Variants in KRAS observed in about 807,000 individuals in gnomAD.
KRAS encodes the protein GTPase KRas.
A neutral mutation model predicts 21.0 loss-of-function variants in KRAS; 1 was observed. The ratio of observed to expected loss-of-function variants is 0.05; its 90% CI spans 0.02 to 0.23. KRAS has a LOEUF of 0.23. Ranked by LOEUF, KRAS falls within the 10% of genes least tolerant of loss-of-function variation. The probability of loss-of-function intolerance (pLI) is 1.00; values close to 1 mark genes in which losing one functional copy is unlikely to be tolerated. For missense variants in KRAS, 107 were observed against 221.8 expected (o/e 0.48, Z 3.29); for synonymous variants, 67 against 72.5 (o/e 0.92, Z 0.39).
chr12:25,222,350 C>A (rs1383809946), intron 4 of KRAS, among the ~76,000 whole-genome samples: 1 of 151,906 alleles, frequency 6.6e-6, no homozygotes, highest in African/African-American at 2.4e-5. Context: ...TTAAAGTCTT[C>A]CAGAAGCATG....
chr12:25,248,032 T>C (rs1951707159), intron 1 of KRAS, among the ~76,000 whole-genome samples: 1 of 151,474 alleles, frequency 6.6e-6, no homozygotes, highest in Admixed American at 6.6e-5. Context: ...AATCCTGGAT[T>C]TTTTTTTTCT....
At position 25,208,535 on chromosome 12, in the gene KRAS, C is replaced by T. The variant is rs1951167172; in HGVS notation, c.*1260G>A. Reference sequence around the variant, plus strand: ...AAAAAATTAATGTCTTGGCACACCACCACCCCAAAATCTCAACTTTTGAGT... The same window carrying T: ...AAAAAATTAATGTCTTGGCACACCATCACCCCAAAATCTCAACTTTTGAGT... On this transcript the variant is annotated 3_prime_UTR_variant, in exon 5 of 5. Transcript: ENST00000311936. 4 of 233,246 alleles carry T rather than the reference C, an allele frequency of 1.7e-5. No homozygotes were observed. Among genetic ancestry groups the T allele is most frequent in the Non-Finnish European group, 1.7e-5 (2 of 117,860 alleles). The allele number at this position is 233,246 out of a possible 1,614,324, so 14.4% of individuals were successfully genotyped here.
chr12:25,237,987 T>G lies in KRAS; in HGVS notation c.111+7287A>C, dbSNP rs546902300. On this transcript the variant is annotated intron_variant, in intron 2 of 4. Coordinates refer to ENST00000311936, the MANE Select transcript of KRAS (RefSeq NM_004985.5). ...AATCACAGGGAAGGATAGCTACAAC[T>G]GAAGGCTATGAAGGATTTCTGTTTT... Among the ~76,000 whole-genome samples, 18 of 152,312 alleles carry G rather than the reference T, an allele frequency of 1.2e-4. No homozygotes were observed. The East Asian group carries it at 3.5e-3, about 29-fold the overall frequency.
At chr12:25,235,270 T>C in intron 2 of KRAS, 1 of 519,514 alleles carries the variant, frequency 1.9e-6, no homozygotes, top group African/African-American at 1.9e-5. Flanking sequence ...AATGCTCAAG[T>C]ACTTTACGTT....
intron 1 of KRAS, among the ~76,000 whole-genome samples, chr12:25,250,468 G>A (rs897943153): frequency 4.6e-5 from 7 of 152,102 alleles, no homozygotes; most frequent in African/African-American, 1.2e-4. Context: ...CGGGGAGGAG[G>A]AAGGAAGGGG....
chr12:25,245,250 T>A, intron 2 of KRAS, 24 bp downstream of exon 2: 1 of 1,585,142 alleles, frequency 6.3e-7, no homozygotes, highest in East Asian at 2.3e-5. Context: ...GCACCAGTAA[T>A]ATGCATATTA....
intron 2 of KRAS, among the ~76,000 whole-genome samples, chr12:25,239,355 C>T (rs1000332182): frequency 6.6e-6 from 1 of 152,114 alleles, no homozygotes; most frequent in African/African-American, 2.4e-5. Flanking sequence ...AGCCAGATAG[C>T]TCAGTTTTTT....
chr12:25,246,757 A>C (rs981768204), intron 1 of KRAS, among the ~76,000 whole-genome samples: 2 of 151,752 alleles, frequency 1.3e-5, no homozygotes, highest in Non-Finnish European at 2.9e-5. Context: ...TCTACTAAAA[A>C]TATAAAAAAA....
intron 1 of KRAS, among the ~76,000 whole-genome samples, chr12:25,246,394 C>G (rs1218137952): frequency 6.6e-6 from 1 of 152,084 alleles, no homozygotes; most frequent in African/African-American, 2.4e-5. Flanking sequence ...CCTCTCTCTA[C>G]TAAAAATACA....
In KRAS at chr12:25,209,098, A is replaced by C. The variant is rs768299502; in HGVS notation, c.*697T>G. 1 of 470,902 alleles carries C rather than the reference A, an allele frequency of 2.1e-6. No individual in the cohort carries two copies. The highest frequency in any genetic ancestry group is 3.7e-6 in the Non-Finnish European group (1 of 268,850). The allele number at this position is 470,902 out of a possible 1,614,324, so 29.2% of individuals were successfully genotyped here. On this transcript the variant is annotated 3_prime_UTR_variant, in exon 5 of 5. Coordinates refer to ENST00000311936, the MANE Select transcript of KRAS (RefSeq NM_004985.5). ...GTCTGCCTTAACAGGAAAAGCTATT[A>C]GGAGTCTTTATAGTAATTTATCTAA...
chr12:25,240,141 G>A (rs1017310235), intron 2 of KRAS, among the ~76,000 whole-genome samples: 1 of 152,078 alleles, frequency 6.6e-6, no homozygotes, highest in Non-Finnish European at 1.5e-5. Flanking sequence ...ACAGGCATGA[G>A]CCACCATATC....
intron 2 of KRAS, chr12:25,234,108 A>T (rs1951513269): frequency 5.7e-6 from 1 of 175,576 alleles, no homozygotes; most frequent in Non-Finnish European, 1.2e-5. Context: ...AAATTTTATC[A>T]AGACAATGAA....
intron 4 of KRAS, among the ~76,000 whole-genome samples, chr12:25,223,348 C>CT (rs1951351417): frequency 6.6e-6 from 1 of 152,020 alleles, no homozygotes; most frequent in Non-Finnish European, 1.5e-5. Context: ...ATATTAGAAT[C>CT]ATGTTTTCTC....
At chr12:25,243,734 T>C (rs896384915) in intron 2 of KRAS, among the ~76,000 whole-genome samples, 1 of 152,322 alleles carries the variant, frequency 6.6e-6, no homozygotes. Context: ...AACTTCCTTT[T>C]ACATCTGATT....
chr12:25,220,846 G>A (rs967387621), intron 4 of KRAS, among the ~76,000 whole-genome samples: 4 of 151,852 alleles, frequency 2.6e-5, no homozygotes, highest in South Asian at 2.1e-4. Context: ...CCAACATGGC[G>A]AAACCCTGTC....
intron 4 of KRAS, among the ~76,000 whole-genome samples, chr12:25,223,014 C>T (rs764425659): frequency 7.9e-5 from 12 of 152,172 alleles, no homozygotes; most frequent in Non-Finnish European, 1.8e-4. Context: ...GAAATGCAGA[C>T]TCGGTCCCCA....
chr12:25,237,549 G>A (rs992173248), intron 2 of KRAS, among the ~76,000 whole-genome samples: 3 of 152,102 alleles, frequency 2.0e-5, no homozygotes, highest in Non-Finnish European at 4.4e-5. Context: ...TACATGTCTG[G>A]TGCTCAGGAC....
chr12:25,209,765 T>C lies in KRAS; in HGVS notation c.*30A>G. 1 of 1,604,336 alleles carries C rather than the reference T, an allele frequency of 6.2e-7. No individual in the cohort carries two copies. ...GTACAAAAATTACCACTTGTACTAG[T>C]ATGCCTTAAGAAAAAAGTACAAATT... On this transcript the variant is annotated 3_prime_UTR_variant, in exon 5 of 5. Coordinates refer to ENST00000311936, the MANE Select transcript of KRAS (RefSeq NM_004985.5).
chr12:25,249,648 G>C (rs1951739463), intron 1 of KRAS, among the ~76,000 whole-genome samples: 1 of 146,096 alleles, frequency 6.8e-6, no homozygotes, highest in African/African-American at 2.5e-5. Flanking sequence ...GCGGTTAGCT[G>C]GTGGATTGCT....
Sources: allele counts gnomAD v4.1 joint callset (sites outside exome capture counted in the v4.1 genomes callset), GRCh38; gene constraint gnomAD v4.1.1; transcripts MANE v1.5; gene names NCBI Gene and HGNC (gene_info 2026-07-23, HGNC 2026-07-21).